The following RPS6KA2 variants were observed in gnomAD, a reference collection of about 807,000 sequenced individuals.
RPS6KA2 encodes ribosomal protein S6 kinase alpha-2.
A neutral mutation model predicts 91.8 loss-of-function variants in RPS6KA2; 42 were observed. The observed-to-expected ratio is 0.46, with a 90% CI of 0.36 to 0.59. The LOEUF (loss-of-function observed/expected upper bound fraction) is 0.59. Ranked by LOEUF, RPS6KA2 falls within the 20% of genes least tolerant of loss-of-function variation. RPS6KA2 has a pLI of 0.00. For missense variants in RPS6KA2, 798 were observed against 978.5 expected (o/e 0.82, Z 2.46); for synonymous variants, 414 against 393.6 (o/e 1.05, Z -0.61).
At chr6:166,816,869 A>G (rs1158769913) in intron 2 of RPS6KA2, among the ~76,000 whole-genome samples, 1 of 152,150 alleles carries the variant, frequency 6.6e-6, no homozygotes, top group Non-Finnish European at 1.5e-5. Context: ...GTAGTGCTCC[A>G]CAGAGCACCA....
intron 19 of RPS6KA2, among the ~76,000 whole-genome samples, chr6:166,414,429 G>GTATT (rs1237948199): frequency 6.6e-6 from 1 of 152,116 alleles, no homozygotes; most frequent in Non-Finnish European, 1.5e-5. Flanking sequence ...TGCAATAATG[G>GTATT]TATTTTTCCA....
chr6:166,707,432 GA>G (rs1789713441), intron 2 of RPS6KA2, among the ~76,000 whole-genome samples: 1 of 152,248 alleles, frequency 6.6e-6, no homozygotes, highest in African/African-American at 2.4e-5. Flanking sequence ...AAGGTAAATA[GA>G]AACAGTTTCA....
chr6:166,667,137 T>C (rs1453896254), intron 2 of RPS6KA2, among the ~76,000 whole-genome samples: 1 of 152,150 alleles, frequency 6.6e-6, no homozygotes, highest in Non-Finnish European at 1.5e-5. Context: ...CATTTCCGTT[T>C]TGAGAAAGGA....
chr6:166,547,344 C>T (rs539030926), intron 1 of RPS6KA2, among the ~76,000 whole-genome samples: 18 of 152,288 alleles, frequency 1.2e-4, no homozygotes, highest in Middle Eastern at 3.4e-3. Context: ...AATGGTCCAC[C>T]AAATCCATGG....
At chr6:166,615,792 G>A (rs1275787863) in intron 1 of RPS6KA2, among the ~76,000 whole-genome samples, 1 of 152,110 alleles carries the variant, frequency 6.6e-6, no homozygotes, top group Admixed American at 6.5e-5. Flanking sequence ...CAGGATGGGC[G>A]CTCTGTCCCC....
chr6:166,418,163 A>G lies in RPS6KA2; in HGVS notation c.1938+62T>C. On this transcript the variant is annotated intron_variant, in intron 19 of 20. Coordinates refer to ENST00000265678, the MANE Select transcript of RPS6KA2 (RefSeq NM_021135.6). This position sits in a 1 kb window ranked among gnomAD's most constrained non-coding sequence, Gnocchi z 4.9. ...ATAAAACCTATCCCCTGGCTTCCTC[A>G]GAAATCATATGGCTATTTCAGAATC... The G allele has an allele frequency of 8.8e-7, 1 of 1,136,904 alleles. No homozygotes were observed. Among genetic ancestry groups the G allele is most frequent in the Non-Finnish European group, 1.3e-6 (1 of 764,016 alleles). The allele number at this position is 1,136,904 out of a possible 1,614,324, so 70.4% of individuals were successfully genotyped here.
rs566497312 is a variant in RPS6KA2 at position 166,457,120 on chromosome 6, C to T, written c.1075+2329G>A. On this transcript the variant is annotated intron_variant, in intron 12 of 20. Transcript: ENST00000265678. ...CTTTCCACATTTTAAACACACAGCCCCACATGTTGGCACCTCACGAGGATG... is the reference window on the plus strand; with the variant it reads ...CTTTCCACATTTTAAACACACAGCCTCACATGTTGGCACCTCACGAGGATG... Among the ~76,000 whole-genome samples, 18 of 152,128 alleles carry T rather than the reference C, an allele frequency of 1.2e-4. No homozygotes were observed. In the South Asian group the frequency reaches 1.9e-3, roughly 16 times the overall value.
chr6:166,801,023 G>A (rs1238713348), intron 2 of RPS6KA2, among the ~76,000 whole-genome samples: 5 of 152,200 alleles, frequency 3.3e-5, no homozygotes, highest in Non-Finnish European at 5.9e-5. Flanking sequence ...GTGATACTGA[G>A]AAATTCTCTA....
At chr6:166,451,641 C>A (rs1779920941) in intron 12 of RPS6KA2, among the ~76,000 whole-genome samples, 1 of 152,188 alleles carries the variant, frequency 6.6e-6, no homozygotes, top group Non-Finnish European at 1.5e-5. Context: ...GAACATGAAT[C>A]CTGTATCCTT....
chr6:166,823,574 AG>A (rs1243871985), intron 2 of RPS6KA2, among the ~76,000 whole-genome samples: 1 of 152,114 alleles, frequency 6.6e-6, no homozygotes, highest in African/African-American at 2.4e-5. Flanking sequence ...ATGTGGGCTT[AG>A]GGGAAGAGAT....
chr6:166,748,275 G>A (rs1322320144), intron 2 of RPS6KA2, among the ~76,000 whole-genome samples: 1 of 152,054 alleles, frequency 6.6e-6, no homozygotes, highest in East Asian at 1.9e-4. Flanking sequence ...CCAGGCTTCC[G>A]GCTCCATGCT....
intron 3 of RPS6KA2, among the ~76,000 whole-genome samples, chr6:166,527,322 G>A (rs747066495): frequency 1.1e-4 from 17 of 152,158 alleles, no homozygotes; most frequent in East Asian, 1.9e-4. Flanking sequence ...GAGCTCTTCC[G>A]GGTCACTCCT....
intron 2 of RPS6KA2, among the ~76,000 whole-genome samples, chr6:166,750,395 ACTC>A (rs928652254): frequency 8.6e-5 from 13 of 150,370 alleles, no homozygotes; most frequent in Admixed American, 8.6e-4. Flanking sequence ...TCTGTGACAC[ACTC>A]CTCCCACACA....
intron 3 of RPS6KA2, among the ~76,000 whole-genome samples, chr6:166,520,001 AC>A (rs1222850259): frequency 6.6e-6 from 1 of 151,906 alleles, no homozygotes; most frequent in Non-Finnish European, 1.5e-5. Context: ...AGTAAAGATC[AC>A]CCTCCCCTAT....
Position 166,726,546 on chromosome 6 carries a change from C to T in RPS6KA2, c.123+131654G>A, listed in dbSNP as rs754404377. ...CATCCTGCCGCCCATGTCAGACACA[C>T]GTCCCTTGCATGAAGAACTTAAGAC... is the stretch of plus-strand genomic sequence containing the variant. On this transcript the variant is annotated intron_variant, in intron 2 of 21. Transcript: ENST00000503859. The surrounding 1 kb of genome is among the most constrained non-coding windows in gnomAD (Gnocchi z 4.4). 3.3e-5 allele frequency among the ~76,000 whole-genome samples: 5 copies of T among 152,226 alleles called. No homozygotes were observed. Among genetic ancestry groups the T allele is most frequent in the Non-Finnish European group, 7.3e-5 (5 of 68,046 alleles).
chr6:166,413,874 C>T lies in RPS6KA2; in HGVS notation c.1996G>A (p.Val666Met). 2 of 1,614,174 alleles carry T rather than the reference C, an allele frequency of 1.2e-6. No individual in the cohort carries two copies. The highest frequency in any genetic ancestry group is 1.7e-6 in the Non-Finnish European group (2 of 1,179,986). Reference sequence around the variant, plus strand: ...TTGACCACCCACGGGTGTTTGAGCACTTGCATCGCCGTCAGGCGCTGATGA... The same window carrying T: ...TTGACCACCCACGGGTGTTTGAGCATTTGCATCGCCGTCAGGCGCTGATGA... ...DPHQRLTAMQ[V>M]LKHPWVVNRE... The change falls in exon 20 of 21, where the codon GTG (valine) becomes ATG (methionine). Residue 666 changes from valine to methionine, a missense_variant. By Grantham distance (21) the Val-to-Met change is conservative. Coordinates refer to ENST00000265678, the MANE Select transcript of RPS6KA2 (RefSeq NM_021135.6).
chr6:166,469,754 TGAGG>T (rs1780686362), intron 11 of RPS6KA2, 83 bp downstream of exon 11: 2 of 1,207,648 alleles, frequency 1.7e-6, no homozygotes, highest in East Asian at 4.7e-5. Flanking sequence ...ACCCGGACAC[TGAGG>T]ACCCTCTGCA....
chr6:166,493,284 G>C lies in RPS6KA2; in HGVS notation c.748-2543C>G, dbSNP rs1337855666. On this transcript the variant is annotated intron_variant, in intron 8 of 20. Coordinates refer to ENST00000265678, the MANE Select transcript of RPS6KA2 (RefSeq NM_021135.6). This position sits in a 1 kb window ranked among gnomAD's most constrained non-coding sequence, Gnocchi z 4.7. Reference sequence around the variant, plus strand: ...CTTTGCAGCCTCCACCAGCCATGGGGTTCTGCTGCCTTTCCCATCCCCTTA... The same window carrying C: ...CTTTGCAGCCTCCACCAGCCATGGGCTTCTGCTGCCTTTCCCATCCCCTTA... Among the ~76,000 whole-genome samples the C allele has an allele frequency of 1.3e-5, 2 of 152,174 alleles. No homozygotes were observed. The highest frequency in any genetic ancestry group is 4.8e-5 in the African/African-American group (2 of 41,452).
intron 1 of RPS6KA2, among the ~76,000 whole-genome samples, chr6:166,584,530 C>A (rs1034405263): frequency 6.6e-6 from 1 of 152,132 alleles, no homozygotes; most frequent in Non-Finnish European, 1.5e-5. Context: ...CTTTTTATAG[C>A]TCTATTAGGC....
Sources: gnomAD v4.1 joint callset for allele counts (sites outside exome capture counted in the v4.1 genomes callset) on GRCh38, gnomAD v4.1.1 for gene constraint, Gnocchi (gnomAD v3.1) non-coding constraint, MANE v1.5 for transcripts, NCBI Gene and HGNC (gene_info 2026-07-23, HGNC 2026-07-21) for gene names.